Variants in ZC3H3 observed in about 807,000 individuals in gnomAD.
ZC3H3 encodes the protein zinc finger CCCH-type containing 3.
Under a neutral mutation model 77.3 loss-of-function variants are expected in ZC3H3, and 36 were observed. The observed-to-expected ratio is 0.47, with a 90% CI of 0.36 to 0.61. ZC3H3 has a LOEUF of 0.61. Ranked by LOEUF, ZC3H3 falls within the 20% of genes least tolerant of loss-of-function variation. ZC3H3 has a pLI of 0.00. For synonymous variants in ZC3H3, 626 were observed against 555.2 expected, an observed-to-expected ratio of 1.13 and a Z score of -1.79; for missense variants, 1,331 against 1,312.2, an observed-to-expected ratio of 1.01 and a Z score of -0.22.
Position 143,536,248 on chromosome 8 carries a change from C to T in ZC3H3, c.1561+9G>A, listed in dbSNP as rs1359321744. On this transcript the variant is annotated intron_variant, in intron 3 of 11. Coordinates refer to ENST00000262577, the MANE Select transcript of ZC3H3 (RefSeq NM_015117.3). ...GCCCCAGTGCCCAGCGCCCCTGCTCCCAGCATACCTTCCTTGGTGGGGAGG... is the reference window on the plus strand; with the variant it reads ...GCCCCAGTGCCCAGCGCCCCTGCTCTCAGCATACCTTCCTTGGTGGGGAGG... 6.2e-7 allele frequency: 1 copy of T among 1,608,238 alleles called. No homozygotes were observed.
chr8:143,515,442 G>A (rs1228011640), intron 3 of ZC3H3, among the ~76,000 whole-genome samples: 1 of 152,260 alleles, frequency 6.6e-6, no homozygotes, highest in African/African-American at 2.4e-5. Context: ...GCACTGGCAG[G>A]CTGTGGGGAC....
chr8:143,478,993 A>T (rs917154074), intron 4 of ZC3H3, among the ~76,000 whole-genome samples: 2 of 152,054 alleles, frequency 1.3e-5, no homozygotes, highest in African/African-American at 4.8e-5. Flanking sequence ...CATGCTTGGG[A>T]ATGTTCCCAG....
At position 143,440,995 on chromosome 8, in the gene ZC3H3, G is replaced by C. The variant is rs572067627; in HGVS notation, c.2433C>G (p.Pro811=). 1 of 1,470,490 alleles carries C rather than the reference G, an allele frequency of 6.8e-7. No homozygotes were observed. Among genetic ancestry groups the C allele is most frequent in the South Asian group, 1.4e-5 (1 of 70,158 alleles). The allele number at this position is 1,470,490 out of a possible 1,614,324, so 91.1% of individuals were successfully genotyped here. A position where few individuals can be genotyped will look rare whatever the true frequency, so the allele number is the denominator to read the frequency against. The change falls in exon 10 of 12, where the codon CCC becomes CCG. Residue 811 remains proline (P), a synonymous_variant. Transcript: ENST00000262577. Reference sequence around the variant, plus strand: ...CGGTTGCGTCGCTGGGCCCTGGGGCGGGGGACGTGGCTGCCCGCCGACTGT... The same window carrying C: ...CGGTTGCGTCGCTGGGCCCTGGGGCCGGGGACGTGGCTGCCCGCCGACTGT... ...KRHSRRAATS[P]APGPSDATAR... is the part of the protein sequence containing the mutation.
intron 2 of ZC3H3, among the ~76,000 whole-genome samples, chr8:143,537,394 C>T (rs1247102914): frequency 1.3e-5 from 2 of 152,220 alleles, no homozygotes; most frequent in Admixed American, 1.3e-4. Context: ...AGGCTCCCGC[C>T]TACCAGCAGC....
intron 3 of ZC3H3, among the ~76,000 whole-genome samples, chr8:143,509,271 T>G (rs1013026412): frequency 6.6e-6 from 1 of 152,214 alleles, no homozygotes; most frequent in African/African-American, 2.4e-5. Context: ...AAAAAATCAA[T>G]AATAGCTTGT....
At chr8:143,457,872 A>G (rs1165135331) in intron 9 of ZC3H3, among the ~76,000 whole-genome samples, 4 of 152,176 alleles carry the variant, frequency 2.6e-5, no homozygotes, top group Non-Finnish European at 4.4e-5. Flanking sequence ...CTCAGAAAAA[A>G]GGGAAAATAT....
Position 143,538,652 on chromosome 8 carries a change from T to A in ZC3H3, c.715A>T (p.Thr239Ser), listed in dbSNP as rs1395835313. ...AGCTTCCGGCCCAGGGCCACGCCAGTGCGTGGGGGCAGAGCGGAGGATGGG... is the reference window on the plus strand; with the variant it reads ...AGCTTCCGGCCCAGGGCCACGCCAGAGCGTGGGGGCAGAGCGGAGGATGGG... Reference protein sequence around the residue: ...SFPSSALPPRTGVALGRKLGS... With the variant: ...SFPSSALPPRSGVALGRKLGS... Residue 239 changes from threonine (T) to serine (S), a missense_variant, in exon 2 of 12, where the codon ACT becomes TCT. Thr to Ser is a moderately conservative substitution (Grantham distance 58). Around this residue, in one of 3 missense-constraint regions of ZC3H3, gnomAD observed 978 missense variants for 915.5 expected, o/e 1.07. Transcript: ENST00000262577. 6.2e-7 allele frequency: 1 copy of A among 1,608,668 alleles called. No individual in the cohort carries two copies. The highest frequency in any genetic ancestry group is 2.2e-5 in the East Asian group (1 of 44,876).
Position 143,541,290 on chromosome 8 carries a change from C to A in ZC3H3, c.46+86G>T, listed in dbSNP as rs1823006015. 4.4e-6 allele frequency: 7 copies of A among 1,584,152 alleles called. No homozygotes were observed. The Admixed American group carries it at 1.0e-4, about 23-fold the overall frequency. On this transcript the variant is annotated intron_variant, in intron 1 of 11. Transcript: ENST00000262577. ...CCACCCAGAACACGCGGGCGGTGAG[C>A]GACCCCTTCGACAAGGGGGCAGGGG...
chr8:143,538,677 G>A lies in ZC3H3; in HGVS notation c.690C>T (p.Phe230=). 1 of 1,608,286 alleles carries A rather than the reference G, an allele frequency of 6.2e-7. No individual in the cohort carries two copies. Among genetic ancestry groups the A allele is most frequent in the Non-Finnish European group, 8.5e-7 (1 of 1,179,892 alleles). Residue 230 remains phenylalanine, a synonymous_variant, in exon 2 of 12, where the codon TTC becomes TTT. Transcript: ENST00000262577. ...SESVIAVKAS[F]PSSALPPRTG... Reference sequence around the variant, plus strand: ...TGCGTGGGGGCAGAGCGGAGGATGGGAAGCTCGCCTTGACGGCAATCACAC... The same window carrying A: ...TGCGTGGGGGCAGAGCGGAGGATGGAAAGCTCGCCTTGACGGCAATCACAC...
chr8:143,484,286 G>A (rs1257795841), intron 4 of ZC3H3, among the ~76,000 whole-genome samples: 1 of 152,184 alleles, frequency 6.6e-6, no homozygotes, highest in Admixed American at 6.5e-5. Context: ...TGAATAAGAA[G>A]GATTCGGAGG....
intron 9 of ZC3H3, among the ~76,000 whole-genome samples, chr8:143,443,673 C>T (rs1276857018): frequency 6.6e-6 from 1 of 152,158 alleles, no homozygotes; most frequent in Non-Finnish European, 1.5e-5. Flanking sequence ...AAAGTTGGTT[C>T]TTTTAAAACA....
At chr8:143,450,626 G>A (rs915957651) in intron 9 of ZC3H3, among the ~76,000 whole-genome samples, 2 of 152,170 alleles carry the variant, frequency 1.3e-5, no homozygotes, top group African/African-American at 4.8e-5. Context: ...GGCACTTCAC[G>A]CGGCTGAGCA....
At chr8:143,523,300 C>T (rs572595326) in intron 3 of ZC3H3, 28 of 984,792 alleles carry the variant, frequency 2.8e-5, no homozygotes, top group East Asian at 2.3e-4. Flanking sequence ...GACAGACGCA[C>T]GATGAAACCA....
chr8:143,499,639 C>T (rs1406697739), intron 4 of ZC3H3, among the ~76,000 whole-genome samples: 1 of 151,894 alleles, frequency 6.6e-6, no homozygotes, highest in Admixed American at 6.5e-5. Context: ...ATGCCCTCTC[C>T]AGCATTCAGG....
chr8:143,455,313 C>A (rs1820086950), intron 9 of ZC3H3, among the ~76,000 whole-genome samples: 2 of 151,598 alleles, frequency 1.3e-5, no homozygotes, highest in South Asian at 4.2e-4. Flanking sequence ...GAGTCCATCT[C>A]AAAAAAATAA....
At chr8:143,470,722 AT>A (rs1242841608) in intron 5 of ZC3H3, among the ~76,000 whole-genome samples, 1 of 152,250 alleles carries the variant, frequency 6.6e-6, no homozygotes, top group East Asian at 1.9e-4. Flanking sequence ...CTTTAAAAAA[AT>A]GCCAGTGTGA....
chr8:143,468,500 G>A lies in ZC3H3; in HGVS notation c.1987C>T (p.Arg663Trp), dbSNP rs778734040. The change falls in exon 7 of 12, where the codon CGG becomes TGG. Residue 663 changes from arginine to tryptophan, a missense_variant. Arg to Trp is a moderately radical substitution (Grantham distance 101, BLOSUM62 -3). Coordinates refer to ENST00000262577, the MANE Select transcript of ZC3H3 (RefSeq NM_015117.3). ...TCCTTCCTCTTCTCCCTGCGCTGCC[G>A]CGCCTGCCGGATGATGGCCAGGCTG... ...QRSLAIIRQARQRREKRKEYC... is the reference protein window; with the variant it reads ...QRSLAIIRQAWQRREKRKEYC... The A allele has an allele frequency of 7.5e-6, 12 of 1,608,492 alleles. No individual in the cohort carries two copies. The highest frequency in any genetic ancestry group is 2.2e-5 in the East Asian group (1 of 44,576).
chr8:143,494,539 C>T lies in ZC3H3; in HGVS notation c.1715+13207G>A, dbSNP rs370047. 0.028 allele frequency among the ~76,000 whole-genome samples: 4,239 copies of T among 152,284 alleles called. 177 individuals carry two copies. Among genetic ancestry groups the T allele is most frequent in the African/African-American group, 0.096 (3,989 of 41,550 alleles). Reference sequence around the variant, plus strand: ...ACACAAGGCCCGGGCAGGTCAGGGCCTCAGAGCACAGCGGCGCCGGCAGAA... The same window carrying T: ...ACACAAGGCCCGGGCAGGTCAGGGCTTCAGAGCACAGCGGCGCCGGCAGAA... On this transcript the variant is annotated intron_variant, in intron 4 of 11. Coordinates refer to ENST00000262577, the MANE Select transcript of ZC3H3 (RefSeq NM_015117.3). This position sits in a 1 kb window ranked among gnomAD's most constrained non-coding sequence, Gnocchi z 5.3.
In ZC3H3 at chr8:143,541,395, C is replaced by T. The variant is rs1823012450; in HGVS notation, c.27G>A (p.Arg9=). 2 of 1,611,962 alleles carry T rather than the reference C, an allele frequency of 1.2e-6. No homozygotes were observed. Among genetic ancestry groups the T allele is most frequent in the Non-Finnish European group, 1.7e-6 (2 of 1,179,494 alleles). The change falls in exon 1 of 12, where the codon CGG becomes CGA. Residue 9 remains arginine, a synonymous_variant. Transcript: ENST00000262577. ...ACCTACCCTGCAGTAGGCGGATCTG[C>T]CGCCGTAATATCTCCTTTTCCTCCA... MEEKEILR[R]QIRLLQGLID... is the part of the protein sequence containing the mutation.
Sources: allele counts gnomAD v4.1 joint callset (sites outside exome capture counted in the v4.1 genomes callset), GRCh38; gene constraint gnomAD v4.1.1; regional missense constraint gnomAD v4.1.1; non-coding constraint Gnocchi (gnomAD v3.1); transcripts MANE v1.5; gene names NCBI Gene and HGNC (gene_info 2026-07-23, HGNC 2026-07-21).